Variants in RUNX1 observed in about 807,000 individuals in gnomAD.
The protein encoded by RUNX1 is runt-related transcription factor 1.
Under a neutral mutation model 42.8 loss-of-function variants are expected in RUNX1, and 19 were observed. The ratio of observed to expected loss-of-function variants is 0.44; its 90% CI spans 0.31 to 0.65. The LOEUF (loss-of-function observed/expected upper bound fraction) is 0.65, where lower values mean the gene tolerates loss of function less well. RUNX1 is among the 30% of genes least tolerant of loss of function. RUNX1 has a pLI of 0.07. For synonymous variants in RUNX1, 271 were observed against 289.4 expected (o/e 0.94, Z 0.64); for missense variants, 528 against 672.0 (o/e 0.79, Z 2.37).
chr21:34,997,429 C>A (rs2059004729), intron 2 of RUNX1, among the ~76,000 whole-genome samples: 1 of 152,162 alleles, frequency 6.6e-6, no homozygotes, highest in Non-Finnish European at 1.5e-5. Flanking sequence ...GGCCTTGAGT[C>A]CACAGAATCC....
At chr21:35,020,000 T>C (rs893310271) in intron 2 of RUNX1, among the ~76,000 whole-genome samples, 8 of 152,174 alleles carry the variant, frequency 5.3e-5, no homozygotes, top group African/African-American at 1.7e-4. Flanking sequence ...TACATAGTCT[T>C]AGGCGGACCA....
chr21:35,030,260 G>A (rs1370631920), intron 2 of RUNX1, among the ~76,000 whole-genome samples: 2 of 152,050 alleles, frequency 1.3e-5, no homozygotes, highest in African/African-American at 4.8e-5. Context: ...GGAGGATGGC[G>A]TGAACCTGGG....
intron 2 of RUNX1, among the ~76,000 whole-genome samples, chr21:34,975,194 C>T (rs2058792127): frequency 6.6e-6 from 1 of 152,248 alleles, no homozygotes; most frequent in Admixed American, 6.5e-5. Flanking sequence ...TAGCTATTTT[C>T]ATTAGACCTC....
At chr21:34,913,109 G>A (rs1006271929) in intron 2 of RUNX1, among the ~76,000 whole-genome samples, 11 of 152,200 alleles carry the variant, frequency 7.2e-5, no homozygotes, top group African/African-American at 2.4e-4. Flanking sequence ...GTGGGCACCT[G>A]TAATCCCAGC....
chr21:34,999,256 C>T (rs974207590), intron 2 of RUNX1, among the ~76,000 whole-genome samples: 3 of 152,232 alleles, frequency 2.0e-5, no homozygotes, highest in Non-Finnish European at 2.9e-5. Flanking sequence ...GGCCGTGGCT[C>T]CAGGCCTGCC....
At chr21:34,957,854 T>C (rs2146692634) in intron 2 of RUNX1, among the ~76,000 whole-genome samples, 1 of 152,224 alleles carries the variant, frequency 6.6e-6, no homozygotes, top group Non-Finnish European at 1.5e-5. Flanking sequence ...GCACATGTAG[T>C]GTAGGCAGTT....
intron 7 of RUNX1, chr21:34,833,790 C>T (rs1479040671): frequency 1.0e-5 from 2 of 198,334 alleles, no homozygotes; most frequent in Non-Finnish European, 2.1e-5. Flanking sequence ...TAATTTGGCA[C>T]AGTGGGCCTT....
intron 2 of RUNX1, among the ~76,000 whole-genome samples, chr21:34,977,100 T>C (rs529141987): frequency 4.7e-4 from 72 of 152,356 alleles, no homozygotes; most frequent in African/African-American, 1.7e-3. Context: ...GAGCATATAA[T>C]GTTGTGTTTT....
At chr21:34,977,265 G>T (rs2058809911) in intron 2 of RUNX1, among the ~76,000 whole-genome samples, 1 of 152,170 alleles carries the variant, frequency 6.6e-6, no homozygotes, top group Non-Finnish European at 1.5e-5. Flanking sequence ...AAGATCGATG[G>T]CTCATCCTTC....
Position 34,970,819 on chromosome 21 carries a change from A to C in RUNX1, c.59-77856T>G, listed in dbSNP as rs187213011. On this transcript the variant is annotated intron_variant, in intron 2 of 8. Coordinates refer to ENST00000675419, the MANE Select transcript of RUNX1 (RefSeq NM_001754.5). ...GGTTAACAGTTGGTCAATCTGGGTG[A>C]AGAGTATACAGCCATTCTTTGTATT... Among the ~76,000 whole-genome samples, 3 of 152,290 alleles carry C rather than the reference A, an allele frequency of 2.0e-5. No individual in the cohort carries two copies. The East Asian group carries it at 5.8e-4, about 29-fold the overall frequency.
intron 2 of RUNX1, among the ~76,000 whole-genome samples, chr21:34,990,338 C>T (rs2058927079): frequency 6.6e-6 from 1 of 152,194 alleles, no homozygotes; most frequent in South Asian, 2.1e-4. Flanking sequence ...GCAGACAAGG[C>T]AGTTTCTTCT....
intron 2 of RUNX1, among the ~76,000 whole-genome samples, chr21:35,026,479 C>T (rs1361577902): frequency 1.3e-5 from 2 of 152,252 alleles, no homozygotes; most frequent in Admixed American, 6.5e-5. Context: ...TTTGGCATTA[C>T]AGGCCTCATG....
rs548773871 is a variant in RUNX1 at position 34,911,914 on chromosome 21, G to C, written c.59-18951C>G. Among the ~76,000 whole-genome samples, 8 of 152,158 alleles carry C rather than the reference G, an allele frequency of 5.3e-5. No individual in the cohort carries two copies. In the South Asian group the frequency reaches 1.5e-3, roughly 28 times the overall value. On this transcript the variant is annotated intron_variant, in intron 2 of 8. Coordinates refer to ENST00000675419, the MANE Select transcript of RUNX1 (RefSeq NM_001754.5). ...GGCTGCTCAACCGTCATCTACTAAA[G>C]TAATGGGTAAAGTAACCCCGCTCCC...
At chr21:34,859,128 C>T (rs968297392) in intron 6 of RUNX1, among the ~76,000 whole-genome samples, 4 of 152,220 alleles carry the variant, frequency 2.6e-5, no homozygotes, top group Non-Finnish European at 5.9e-5. Flanking sequence ...GCCTCTGTGC[C>T]TGGCCAATCT....
chr21:35,038,411 C>T (rs1376828709), intron 2 of RUNX1: 1 of 393,220 alleles, frequency 2.5e-6, no homozygotes, highest in East Asian at 7.2e-5. Flanking sequence ...CTGAAGCCTC[C>T]AGGGAAAGAA....
chr21:35,048,905 C>A lies in RUNX1; in HGVS notation c.-6G>T. The A allele has an allele frequency of 6.2e-7, 1 of 1,613,844 alleles. No homozygotes were observed. On this transcript the variant is annotated 5_prime_UTR_variant, in exon 2 of 9. Transcript: ENST00000675419. ...AATATGCTGTCTGAAGCCATCGCTT[C>A]CTCCTGAAAATGCACCCTCTTCTGA...
intron 2 of RUNX1, among the ~76,000 whole-genome samples, chr21:34,992,723 A>C (rs1267742489): frequency 6.6e-6 from 1 of 151,778 alleles, no homozygotes; most frequent in Non-Finnish European, 1.5e-5. Context: ...TGGGATGGCG[A>C]TGCCCTTTGG....
At chr21:34,946,374 T>C (rs1053559997) in intron 2 of RUNX1, among the ~76,000 whole-genome samples, 4 of 152,162 alleles carry the variant, frequency 2.6e-5, no homozygotes, top group Non-Finnish European at 4.4e-5. Flanking sequence ...TCAGATCACA[T>C]AGCACATTCC....
At chr21:34,893,071 T>C in intron 2 of RUNX1, 108 bp from the exon 3 acceptor site, 1 of 708,014 alleles carries the variant, frequency 1.4e-6, no homozygotes, top group Non-Finnish European at 2.5e-6. Flanking sequence ...TTTTTAGCAC[T>C]GGAGATTTTT....
Sources: gnomAD v4.1 joint callset for allele counts (sites outside exome capture counted in the v4.1 genomes callset) on GRCh38, gnomAD v4.1.1 for gene constraint, MANE v1.5 for transcripts, NCBI Gene and HGNC (gene_info 2026-07-23, HGNC 2026-07-21) for gene names.